ZNF665: variants seen among roughly 807,000 people sequenced by gnomAD.
ZNF665 encodes zinc finger protein 665.
A neutral mutation model predicts 7.9 loss-of-function variants in ZNF665; 6 were observed. That is an observed-to-expected ratio of 0.76 (90% confidence interval 0.42 to 1.50). The LOEUF (loss-of-function observed/expected upper bound fraction) is 1.50, where lower values mean the gene tolerates loss of function less well. ZNF665 is among the 40% of genes most tolerant of loss of function. The pLI, the probability that ZNF665 is intolerant of heterozygous loss-of-function variation, is 0.01. For synonymous variants in ZNF665, 242 were observed against 274.5 expected (o/e 0.88, Z 1.17); for missense variants, 819 against 806.7 (o/e 1.02, Z -0.18).
chr19:53,164,534 T>G lies in ZNF665; in HGVS notation c.1956A>C (p.Lys652Asn). ...TTHMAVHTGDKPYKCNQCGKV... is the reference protein window; with the variant it reads ...TTHMAVHTGDNPYKCNQCGKV... ...TGCCACATTGGTTACATTTGTAAGG[T>G]TTGTCTCCAGTATGGACTGCCATAT... Residue 652 changes from lysine (K) to asparagine (N), a missense_variant, in exon 4 of 4, where the codon AAA becomes AAC. Coordinates refer to ENST00000396424, the MANE Select transcript of ZNF665 (RefSeq NM_024733.5). 1 of 1,613,664 alleles carries G rather than the reference T, an allele frequency of 6.2e-7. No individual in the cohort carries two copies. The highest frequency in any genetic ancestry group is 8.5e-7 in the Non-Finnish European group (1 of 1,179,826).
intron 1 of ZNF665, among the ~76,000 whole-genome samples, chr19:53,192,774 G>GGGCACCACAGGACAAGC (rs1568671205): frequency 6.6e-6 from 1 of 151,794 alleles, no homozygotes; most frequent in Non-Finnish European, 1.5e-5. Context: ...ACAGGACAAG[G>GGGCACCACAGGACAAGC]CCCGGGCACC....
chr19:53,183,241 C>T (rs901974273), intron 1 of ZNF665, among the ~76,000 whole-genome samples: 12 of 152,122 alleles, frequency 7.9e-5, no homozygotes, highest in Non-Finnish European at 1.5e-4. Context: ...AGCTTCTGTT[C>T]GGGGCACAGA....
intron 2 of ZNF665, among the ~76,000 whole-genome samples, chr19:53,177,312 A>T (rs2090705757): frequency 6.6e-6 from 1 of 151,718 alleles, no homozygotes; most frequent in Non-Finnish European, 1.5e-5. Context: ...ACAGATACAA[A>T]ATCAGCTGGG....
intron 2 of ZNF665, among the ~76,000 whole-genome samples, chr19:53,178,388 T>C (rs970497822): frequency 1.3e-5 from 2 of 152,134 alleles, no homozygotes; most frequent in Non-Finnish European, 2.9e-5. Context: ...TGCTACACTG[T>C]GGCTGAAATC....
chr19:53,179,299 C>T (rs1349539793), intron 2 of ZNF665, among the ~76,000 whole-genome samples: 1 of 149,030 alleles, frequency 6.7e-6, no homozygotes, highest in Non-Finnish European at 1.5e-5. Context: ...TGGCATGAAC[C>T]TGGGAGGCGG....
At chr19:53,167,991 G>A (rs2090629722) in intron 3 of ZNF665, among the ~76,000 whole-genome samples, 1 of 142,732 alleles carries the variant, frequency 7.0e-6, no homozygotes, top group Non-Finnish European at 1.5e-5. Flanking sequence ...AGGAGGTGGA[G>A]CTTGCAGTGA....
chr19:53,176,284 T>C (rs1470804292), intron 2 of ZNF665, among the ~76,000 whole-genome samples: 4 of 152,168 alleles, frequency 2.6e-5, no homozygotes, highest in African/African-American at 7.2e-5. Flanking sequence ...TGGCCAATAA[T>C]GTAAACAGTT....
intron 1 of ZNF665, among the ~76,000 whole-genome samples, chr19:53,183,882 C>A (rs374582622): frequency 1.3e-4 from 20 of 152,134 alleles, no homozygotes; most frequent in African/African-American, 4.8e-4. Flanking sequence ...AGGCAGGAGA[C>A]GAGGTCAGAG....
intron 3 of ZNF665, among the ~76,000 whole-genome samples, chr19:53,167,143 A>G (rs2146838849): frequency 6.6e-6 from 1 of 152,046 alleles, no homozygotes; most frequent in South Asian, 2.1e-4. Flanking sequence ...CTGGGATTAC[A>G]GGCATGCACC....
intron 3 of ZNF665, among the ~76,000 whole-genome samples, chr19:53,167,201 A>G (rs1202412967): frequency 6.6e-6 from 1 of 151,812 alleles, no homozygotes; most frequent in Non-Finnish European, 1.5e-5. Flanking sequence ...GGGTTTCTCC[A>G]TGTTGGTCAG....
intron 2 of ZNF665, chr19:53,182,540 T>C (rs2090745710): frequency 1.5e-6 from 1 of 666,380 alleles, no homozygotes; most frequent in South Asian, 1.6e-5. Context: ...AACCAGCTTC[T>C]CTTATCACAG....
At position 53,163,659 on chromosome 19, in the gene ZNF665, A is replaced by C. The variant is rs968315231; in HGVS notation, c.*794T>G. The C allele has an allele frequency of 6.6e-6, 1 of 152,246 alleles. No individual in the cohort carries two copies. The highest frequency in any genetic ancestry group is 1.5e-5 in the Non-Finnish European group (1 of 68,046). 9.4% of individuals were successfully genotyped at this position (152,246 alleles called of 1,614,324 possible). On this transcript the variant is annotated 3_prime_UTR_variant, in exon 4 of 4. Transcript: ENST00000396424. ...TTATAAATAGTAGCCTTTTCAATAA[A>C]TCTTAAATACTTCAACAAAACATTT... is the stretch of plus-strand genomic sequence containing the variant.
chr19:53,176,719 G>A (rs2090701133), intron 2 of ZNF665, among the ~76,000 whole-genome samples: 1 of 152,178 alleles, frequency 6.6e-6, no homozygotes, highest in Non-Finnish European at 1.5e-5. Flanking sequence ...CTGAATGGGA[G>A]GACACCCAGG....
rs757222280 is a variant in ZNF665 at position 53,189,051 on chromosome 19, C to CTGTGTGTGTGTCTGTGTGTGTG, written c.-46+4260_-46+4261insCACACACACAGACACACACACA. On this transcript the variant is annotated intron_variant, in intron 1 of 3. Transcript: ENST00000396424. ...AGATGAGAAAGAAAGGCTTTATTTTCTGTGTGTGTGTGTGTGTGTGTGTGT... is the reference window on the plus strand; with the variant it reads ...AGATGAGAAAGAAAGGCTTTATTTTCTGTGTGTGTGTCTGTGTGTGTGTGTGTGTGTGTGTGTGTGTGTGTGT... Among the ~76,000 whole-genome samples, 123 of 137,742 alleles carry CTGTGTGTGTGTCTGTGTGTGTG rather than the reference C, an allele frequency of 8.9e-4. 2 individuals carry two copies. The highest frequency in any genetic ancestry group is 2.7e-3 in the African/African-American group (104 of 38,272). The allele number at this position is 137,742 out of a possible 152,430, so 90.4% of individuals were successfully genotyped here.
At position 53,175,571 on chromosome 19, in the gene ZNF665, C is replaced by T; in HGVS notation, c.16G>A (p.Gly6Arg). 4 of 1,592,808 alleles carry T rather than the reference C, an allele frequency of 2.5e-6. No individual in the cohort carries two copies. The highest frequency in any genetic ancestry group is 3.4e-6 in the Non-Finnish European group (4 of 1,173,962). Residue 6 changes from glycine (G) to arginine (R), a missense_variant and splice_region_variant, in exon 3 of 4, where the codon GGA (glycine) becomes AGA (arginine). Physicochemically the swap from Gly to Arg is moderately radical, Grantham distance 125. Coordinates refer to ENST00000396424, the MANE Select transcript of ZNF665 (RefSeq NM_024733.5). Reference protein sequence around the residue: MALPQGQLTFKDVAIE... With the variant: MALPQRQLTFKDVAIE... Reference sequence around the variant, plus strand: ...GCCACATCCTTGAATGTCAACTGTCCCTAAAATGAAAAACACATTTCACCA... The same window carrying T: ...GCCACATCCTTGAATGTCAACTGTCTCTAAAATGAAAAACACATTTCACCA...
chr19:53,165,577 G>A lies in ZNF665; in HGVS notation c.913C>T (p.Leu305Phe). 2 of 1,614,136 alleles carry A rather than the reference G, an allele frequency of 1.2e-6. No individual in the cohort carries two copies. Among genetic ancestry groups the A allele is most frequent in the Non-Finnish European group, 1.7e-6 (2 of 1,180,030 alleles). The change falls in exon 4 of 4, where the codon CTT becomes TTT. Residue 305 changes from leucine (L) to phenylalanine (F), a missense_variant. By Grantham distance (22) the Leu-to-Phe change is conservative. Transcript: ENST00000396424. ...CGKCFTQNSH[L>F]ASHRRIHTGE... ...GTATGAATTCTTCGATGACTTGCAA[G>A]GTGTGAATTTTGAGTGAAGCACTTG...
chr19:53,175,316 C>T, intron 3 of ZNF665, 129 bp downstream of exon 3: 2 of 1,184,464 alleles, frequency 1.7e-6, no homozygotes, highest in Non-Finnish European at 2.4e-6. Context: ...CATGATTAGG[C>T]TTTTCATTTA....
chr19:53,183,078 G>A (rs2090750644), intron 1 of ZNF665, 135 bp from the exon 2 acceptor site: 1 of 955,364 alleles, frequency 1.0e-6, no homozygotes, highest in East Asian at 2.5e-5. Flanking sequence ...CAGGGAAGAT[G>A]GTCCTCTGCT....
intron 3 of ZNF665, among the ~76,000 whole-genome samples, chr19:53,174,617 C>T (rs2090682568): frequency 6.6e-6 from 1 of 151,942 alleles, no homozygotes; most frequent in African/African-American, 2.4e-5. Context: ...AGATAATACT[C>T]AGATCAAAAG....
Sources: allele counts gnomAD v4.1 joint callset (sites outside exome capture counted in the v4.1 genomes callset), GRCh38; gene constraint gnomAD v4.1.1; transcripts MANE v1.5; gene names NCBI Gene and HGNC (gene_info 2026-07-23, HGNC 2026-07-21).